Variants in SOS2 observed in about 807,000 individuals in gnomAD.
The protein encoded by SOS2 is son of sevenless homolog 2.
A neutral mutation model predicts 148.2 loss-of-function variants in SOS2; 65 were observed. The observed-to-expected ratio is 0.44, with a 90% CI of 0.36 to 0.54. SOS2 has a LOEUF of 0.54. SOS2 is among the 20% of genes least tolerant of loss of function. SOS2 has a pLI of 0.00. For missense variants in SOS2, 1,341 were observed against 1,590.2 expected (o/e 0.84, Z 2.67); for synonymous variants, 539 against 537.1 (o/e 1.00, Z -0.05).
intron 4 of SOS2, among the ~76,000 whole-genome samples, chr14:50,198,689 T>A (rs1173078928): frequency 6.6e-6 from 1 of 152,236 alleles, no homozygotes; most frequent in Non-Finnish European, 1.5e-5. Context: ...CATTTAGGCA[T>A]TTTCTCTGTA....
intron 14 of SOS2, among the ~76,000 whole-genome samples, chr14:50,147,230 T>C (rs1467205442): frequency 1.3e-5 from 2 of 151,052 alleles, no homozygotes; most frequent in African/African-American, 2.4e-5. Flanking sequence ...AAAAAACCAG[T>C]TGGGCACTGT....
chr14:50,159,634 C>A lies in SOS2; in HGVS notation c.1649G>T (p.Arg550Leu). Residue 550 changes from arginine to leucine, a missense_variant, in exon 10 of 23, where the codon CGA becomes CTA. Physicochemically the swap from Arg to Leu is moderately radical, Grantham distance 102. This residue lies in a region of SOS2 where 574 missense variants were observed against 711.1 expected (regional missense o/e 0.81). Transcript: ENST00000216373. ...ISLHYRSTLDRMLDSVLLKEE... is the reference protein window; with the variant it reads ...ISLHYRSTLDLMLDSVLLKEE... Reference sequence around the variant, plus strand: ...TTTCAATAATACTGAATCTAACATTCGATCTAGAGTACTACGATAATGAAG... The same window carrying A: ...TTTCAATAATACTGAATCTAACATTAGATCTAGAGTACTACGATAATGAAG... 1.2e-6 allele frequency: 2 copies of A among 1,613,552 alleles called. No homozygotes were observed. Among genetic ancestry groups the A allele is most frequent in the Non-Finnish European group, 1.7e-6 (2 of 1,179,612 alleles).
rs894140283 is a variant in SOS2, at chr14:50,199,706, T to C, written c.495A>G (p.Ser165=). The C allele has an allele frequency of 6.2e-7, 1 of 1,604,534 alleles. No homozygotes were observed. Among genetic ancestry groups the C allele is most frequent in the Non-Finnish European group, 8.5e-7 (1 of 1,174,804 alleles). The change falls in exon 4 of 23, where the codon TCA becomes TCG. Residue 165 remains serine (S), a synonymous_variant. Coordinates refer to ENST00000216373, the MANE Select transcript of SOS2 (RefSeq NM_006939.4). The part of the protein sequence containing the change: ...YEISQQDIKV[S]MCADKVLMDM... ...TAACACTTACCTTATCCGCACACAT[T>C]GACACTTTAATGTCCTGCTGAGATA...
chr14:50,204,548 T>C (rs981833169), intron 1 of SOS2, 139 bp from the exon 2 acceptor site: 1 of 577,454 alleles, frequency 1.7e-6, no homozygotes, highest in Non-Finnish European at 2.9e-6. Context: ...AAAAAAACTA[T>C]TTGTTGGTCT....
Position 50,150,214 on chromosome 14 carries a change from T to A in SOS2, c.2178A>T (p.Lys726Asn). 1 of 1,607,592 alleles carries A rather than the reference T, an allele frequency of 6.2e-7. No homozygotes were observed. ...TGATCTTAGCAATTGACTCTACCCA[T>A]TTTTTCATAGCTTTCCCTGGAAAAA... The part of the protein sequence containing the change: ...ISSVRGKAMK[K>N]WVESIAKIIR... The change falls in exon 14 of 23, where the codon AAA (lysine) becomes AAT (asparagine). Residue 726 changes from lysine (K) to asparagine (N), a missense_variant. By Grantham distance (94) the Lys-to-Asn change is moderately conservative. Coordinates refer to ENST00000216373, the MANE Select transcript of SOS2 (RefSeq NM_006939.4).
chr14:50,159,838 C>T lies in SOS2; in HGVS notation c.1445G>A (p.Ser482Asn), dbSNP rs1195086721. 3 of 1,614,018 alleles carry T rather than the reference C, an allele frequency of 1.9e-6. No individual in the cohort carries two copies. Among genetic ancestry groups the T allele is most frequent in the South Asian group, 1.1e-5 (1 of 91,090 alleles). ...NHGQTRLPGY[S>N]SAEYRLKEKF... The stretch of plus-strand genomic sequence containing the variant: ...TTCTTTTAACCTGTATTCTGCACTA[C>T]TGTAACCTGGAAGCCGAGTCTGGCC... The change falls in exon 10 of 23, where the codon AGT becomes AAT. Residue 482 changes from serine to asparagine, a missense_variant. Around this residue, in one of 4 missense-constraint regions of SOS2, gnomAD observed 574 missense variants for 711.1 expected, o/e 0.81. Coordinates refer to ENST00000216373, the MANE Select transcript of SOS2 (RefSeq NM_006939.4).
Position 50,145,537 on chromosome 14 carries a change from T to C in SOS2, c.2444A>G (p.Asn815Ser). The part of the protein sequence containing the change: ...SVWTKEDKEI[N>S]SPNLLKMIRH... ...AATCATTTTTAATAAATTTGGAGAA[T>C]TTATTTCTTTATCTTCTTTGGTCCA... The change falls in exon 15 of 23, where the codon AAT (asparagine) becomes AGT (serine). Residue 815 changes from asparagine (N) to serine (S), a missense_variant. Physicochemically the swap from Asn to Ser is conservative, Grantham distance 46 (BLOSUM62 1). Around this residue, in one of 4 missense-constraint regions of SOS2, gnomAD observed 408 missense variants for 506.6 expected, o/e 0.81. Coordinates refer to ENST00000216373, the MANE Select transcript of SOS2 (RefSeq NM_006939.4). 6.2e-7 allele frequency: 1 copy of C among 1,610,564 alleles called. No individual in the cohort carries two copies. The highest frequency in any genetic ancestry group is 8.5e-7 in the Non-Finnish European group (1 of 1,178,118).
At chr14:50,137,902 T>C (rs574559887) in intron 18 of SOS2, among the ~76,000 whole-genome samples, 1 of 152,084 alleles carries the variant, frequency 6.6e-6, no homozygotes, top group Admixed American at 6.6e-5. Context: ...GGCAGTGGCA[T>C]GATCTCGGCT....
chr14:50,223,133 C>T (rs1012419916), intron 1 of SOS2, among the ~76,000 whole-genome samples: 1 of 151,994 alleles, frequency 6.6e-6, no homozygotes, highest in Non-Finnish European at 1.5e-5. Context: ...TTTGAGCAAC[C>T]GGAAGGATGG....
At chr14:50,169,315 C>CA (rs1001522432) in intron 8 of SOS2, among the ~76,000 whole-genome samples, 2 of 131,726 alleles carry the variant, frequency 1.5e-5, no homozygotes, top group Admixed American at 8.4e-5. Context: ...GACTCCATCT[C>CA]AAAAAAAATA....
intron 1 of SOS2, among the ~76,000 whole-genome samples, chr14:50,217,587 G>C (rs999694160): frequency 2.0e-5 from 3 of 151,994 alleles, no homozygotes; most frequent in Non-Finnish European, 2.9e-5. Context: ...GAAAATTTTT[G>C]TAACCCTGGG....
intron 19 of SOS2, among the ~76,000 whole-genome samples, chr14:50,132,965 CTTTT>C (rs1433097610): frequency 4.6e-5 from 7 of 151,686 alleles, no homozygotes; most frequent in Admixed American, 2.6e-4. Context: ...CTCCTTCTGA[CTTTT>C]TTTGTTTCCT....
chr14:50,118,546 G>A lies in SOS2; in HGVS notation c.3797C>T (p.Pro1266Leu), dbSNP rs2139464021. The change falls in exon 23 of 23, where the codon CCC becomes CTC. Residue 1266 changes from proline (P) to leucine (L), a missense_variant. Coordinates refer to ENST00000216373, the MANE Select transcript of SOS2 (RefSeq NM_006939.4). Reference protein sequence around the residue: ...PNSPSTPPSTPSPRVPRRCYV... With the variant: ...PNSPSTPPSTLSPRVPRRCYV... The stretch of plus-strand genomic sequence containing the variant: ...GCATCGACGCGGTACCCTTGGAGAG[G>A]GTGTGCTAGGAGGAGTGCTTGGCGA... The A allele has an allele frequency of 1.2e-6, 2 of 1,614,102 alleles. No individual in the cohort carries two copies. Among genetic ancestry groups the A allele is most frequent in the African/African-American group, 2.7e-5 (2 of 75,006 alleles).
At chr14:50,212,133 T>C (rs1886891762) in intron 1 of SOS2, among the ~76,000 whole-genome samples, 1 of 152,132 alleles carries the variant, frequency 6.6e-6, no homozygotes, top group African/African-American at 2.4e-5. Flanking sequence ...TCAGAACAAA[T>C]TAAACAATGG....
In SOS2 at chr14:50,187,037, G is replaced by A. The variant is rs542373443; in HGVS notation, c.714+1460C>T. Among the ~76,000 whole-genome samples the A allele has an allele frequency of 3.3e-5, 5 of 152,194 alleles. No individual in the cohort carries two copies. In the East Asian group the frequency reaches 9.7e-4, roughly 29 times the overall value. ...GCTAAGTATCTTTTTTTTGAGCCGA[G>A]GTCTTGCTCTTTTGCCCAGGCTGGA... On this transcript the variant is annotated intron_variant, in intron 5 of 22. Coordinates refer to ENST00000216373, the MANE Select transcript of SOS2 (RefSeq NM_006939.4).
rs1381912034 is a variant in SOS2 at position 50,182,534 on chromosome 14, C to G, written c.787G>C (p.Asp263His). ...CTTTCATCAGTCATTTCAACTGTGT[C>G]TTCAATCAAACCTAAAAGTTTCACA... Reference protein sequence around the residue: ...LTVKLLGLIEDTVEMTDESSP... With the variant: ...LTVKLLGLIEHTVEMTDESSP... Residue 263 changes from aspartate (D) to histidine (H), a missense_variant, in exon 6 of 23, where the codon GAC becomes CAC. Asp to His is a moderately conservative substitution (Grantham distance 81, BLOSUM62 -1). Transcript: ENST00000216373. The G allele has an allele frequency of 6.2e-7, 1 of 1,612,350 alleles. No homozygotes were observed.
In SOS2 at chr14:50,153,125, A is replaced by G. The variant is rs1178645846; in HGVS notation, c.2106T>C (p.Phe702=). 2.5e-6 allele frequency: 4 copies of G among 1,607,408 alleles called. No homozygotes were observed. Among genetic ancestry groups the G allele is most frequent in the Middle Eastern group, 3.3e-4 (2 of 6,038 alleles). ...TTTCAAGCAATTCCAAGTCTCTTTCAAAGTCATAAAAATGATGTTCAACCC... is the reference window on the plus strand; with the variant it reads ...TTTCAAGCAATTCCAAGTCTCTTTCGAAGTCATAAAAATGATGTTCAACCC... ...RHWVEHHFYD[F]ERDLELLERL... is the part of the protein sequence containing the mutation. Residue 702 remains phenylalanine, a synonymous_variant, in exon 13 of 23, where the codon TTT becomes TTC. Coordinates refer to ENST00000216373, the MANE Select transcript of SOS2 (RefSeq NM_006939.4).
intron 1 of SOS2, among the ~76,000 whole-genome samples, chr14:50,213,236 T>G (rs1022611037): frequency 6.6e-6 from 1 of 152,078 alleles, no homozygotes. Flanking sequence ...GAAAACAAAC[T>G]TGACAGAGTA....
intron 7 of SOS2, among the ~76,000 whole-genome samples, chr14:50,178,874 C>T (rs936756010): frequency 7.2e-5 from 11 of 151,884 alleles, no homozygotes; most frequent in Admixed American, 2.0e-4. Flanking sequence ...GCTGGGATTA[C>T]AGGTGCATGC....
Sources: gnomAD v4.1 joint callset for allele counts (sites outside exome capture counted in the v4.1 genomes callset) on GRCh38, gnomAD v4.1.1 for gene constraint, gnomAD v4.1.1 regional missense constraint, MANE v1.5 for transcripts, NCBI Gene and HGNC (gene_info 2026-07-23, HGNC 2026-07-21) for gene names.